Variants in DHX30 observed in about 807,000 individuals in gnomAD.
DHX30 encodes ATP-dependent RNA helicase DHX30.
DHX30 carries 4 observed loss-of-function variants against 116.9 expected under a neutral mutation model. The observed-to-expected ratio is 0.03, with a 90% CI of 0.02 to 0.08. The LOEUF (loss-of-function observed/expected upper bound fraction) is 0.08. Ranked by LOEUF, DHX30 falls within the 10% of genes least tolerant of loss-of-function variation. DHX30 has a pLI of 1.00. For synonymous variants in DHX30, 697 were observed against 651.7 expected (o/e 1.07, Z -1.06); for missense variants, 871 against 1,595.1 (o/e 0.55, Z 7.73).
At chr3:47,808,218 G>T (rs1202130402) in intron 2 of DHX30, among the ~76,000 whole-genome samples, 4 of 139,628 alleles carry the variant, frequency 2.9e-5, no homozygotes, top group African/African-American at 7.8e-5. Flanking sequence ...CTTACTTTTT[G>T]TTTTTTTTTT....
In DHX30 at chr3:47,846,746, G is replaced by A. The variant is rs1392720929; in HGVS notation, c.1674G>A (p.Val558=). The change falls in exon 11 of 22, where the codon GTG becomes GTA. Residue 558 remains valine (V), a synonymous_variant. Transcript: ENST00000445061. ...PSLEGVSHVI[V]DEVHERDVNT... The stretch of plus-strand genomic sequence containing the variant: ...TGGAGGGCGTGAGCCACGTCATCGT[G>A]GATGAGGTGCATGAGCGGGACGTGA... 3 of 1,614,026 alleles carry A rather than the reference G, an allele frequency of 1.9e-6. No individual in the cohort carries two copies. In the South Asian group the frequency reaches 3.3e-5, roughly 18 times the overall value.
chr3:47,848,076 G>A lies in DHX30; in HGVS notation c.2287-104G>A, dbSNP rs933121156. 5.7e-6 allele frequency: 9 copies of A among 1,580,826 alleles called. No homozygotes were observed. Among genetic ancestry groups the A allele is most frequent in the Non-Finnish European group, 1.7e-6 (2 of 1,156,312 alleles). The stretch of plus-strand genomic sequence containing the variant: ...TGTCTTCAGAAGGCCGCGCTTGTGG[G>A]GTCTCAGTGTTCCTGATGTAGGGGG... On this transcript the variant is annotated intron_variant, in intron 14 of 21. Transcript: ENST00000445061. This position sits in a 1 kb window ranked among gnomAD's most constrained non-coding sequence, Gnocchi z 9.4.
At chr3:47,843,463 C>T (rs319694) in intron 9 of DHX30, among the ~76,000 whole-genome samples, 93,148 of 152,114 alleles carry the variant, frequency 0.61, 29,899 homozygotes, top group East Asian at 0.72. Context: ...ATACTTTGCC[C>T]GTGACCCAGC....
intron 4 of DHX30, among the ~76,000 whole-genome samples, chr3:47,823,445 C>T (rs1199053662): frequency 6.7e-6 from 1 of 150,296 alleles, no homozygotes; most frequent in Non-Finnish European, 1.5e-5. Flanking sequence ...CTCACTGCAA[C>T]CTCCGCCTCC....
intron 7 of DHX30, 70 bp downstream of exon 7, chr3:47,841,248 T>G: frequency 1.3e-6 from 2 of 1,563,218 alleles, no homozygotes; most frequent in Non-Finnish European, 1.7e-6. Context: ...GAATGTTCTC[T>G]GCTAGCTTTC....
At chr3:47,825,237 C>T (rs577763822) in intron 4 of DHX30, 1 of 622,984 alleles carries the variant, frequency 1.6e-6, no homozygotes, top group African/African-American at 1.9e-5. Flanking sequence ...GCGACGGAAG[C>T]TTGGTGAACG....
At chr3:47,843,294 G>A (rs1343777590) in intron 9 of DHX30, 39 bp downstream of exon 9, 9 of 1,607,882 alleles carry the variant, frequency 5.6e-6, no homozygotes, top group Non-Finnish European at 6.8e-6. Flanking sequence ...GCATGAGAAT[G>A]TCTTGAAGCT....
chr3:47,803,372 C>T (rs922092609), intron 1 of DHX30, among the ~76,000 whole-genome samples, 160 bp downstream of exon 1: 1 of 152,048 alleles, frequency 6.6e-6, no homozygotes, highest in East Asian at 1.9e-4. Context: ...GCATCCTAGG[C>T]CTGCCCGGGA....
In DHX30 at chr3:47,846,866, C is replaced by T; in HGVS notation, c.1794C>T (p.Arg598=). 6.2e-7 allele frequency: 1 copy of T among 1,612,710 alleles called. No individual in the cohort carries two copies. Among genetic ancestry groups the T allele is most frequent in the South Asian group, 1.1e-5 (1 of 91,016 alleles). The part of the protein sequence containing the change: ...VLMSATGDNE[R]FSRYFGGCPV... ...TGAGTGCCACAGGGGACAATGAGCG[C>T]TTCTCCCGATACTTTGGTGGCTGCC... Residue 598 remains arginine, a synonymous_variant, in exon 11 of 22, where the codon CGC becomes CGT. Coordinates refer to ENST00000445061, the MANE Select transcript of DHX30 (RefSeq NM_138615.3).
At chr3:47,803,392 G>T (rs1302043924) in intron 1 of DHX30, among the ~76,000 whole-genome samples, 180 bp downstream of exon 1, 1 of 152,024 alleles carries the variant, frequency 6.6e-6, no homozygotes, top group Non-Finnish European at 1.5e-5. Flanking sequence ...AAGCCGGCCC[G>T]GCCGATCCGT....
chr3:47,819,151 GA>G, intron 4 of DHX30: 1 of 1,236,920 alleles, frequency 8.1e-7, no homozygotes, highest in South Asian at 1.2e-5. Context: ...AGGTTTTAAA[GA>G]AATGCCACCC....
In DHX30 at chr3:47,848,621, C is replaced by T. The variant is rs2037728140; in HGVS notation, c.2576-3C>T. On this transcript the variant is annotated splice_polypyrimidine_tract_variant and splice_region_variant and intron_variant, in intron 16 of 21. Transcript: ENST00000445061. The surrounding 1 kb of genome is among the most constrained non-coding windows in gnomAD (Gnocchi z 9.4). ...GGTGGTACTGACAGCTGAGCCGTTG[C>T]AGGGGTGCTGGACCAGCGGGAGTAC... The T allele has an allele frequency of 1.2e-6, 2 of 1,613,892 alleles. No individual in the cohort carries two copies. The highest frequency in any genetic ancestry group is 1.6e-4 in the Middle Eastern group (1 of 6,084).
At chr3:47,819,083 C>T in intron 4 of DHX30, 1 of 547,660 alleles carries the variant, frequency 1.8e-6, no homozygotes, top group Non-Finnish European at 3.1e-6. Flanking sequence ...CTGCTGCGGC[C>T]CTGACTACTG....
At chr3:47,837,361 A>C (rs1298383044) in intron 6 of DHX30, among the ~76,000 whole-genome samples, 2 of 152,228 alleles carry the variant, frequency 1.3e-5, no homozygotes, top group Non-Finnish European at 2.9e-5. Context: ...AGAATGACAC[A>C]GCCAAGTTTG....
At chr3:47,844,502 G>A (rs1559718038) in intron 9 of DHX30, among the ~76,000 whole-genome samples, 2 of 152,214 alleles carry the variant, frequency 1.3e-5, no homozygotes, top group South Asian at 4.1e-4. Context: ...CTGGGGAGAG[G>A]GCAGAAGCCT....
chr3:47,812,527 C>T lies in DHX30; in HGVS notation c.28+1816C>T, dbSNP rs984357739. On this transcript the variant is annotated intron_variant, in intron 3 of 21. Transcript: ENST00000445061. Reference sequence around the variant, plus strand: ...GAGTCAAGATTGTGCCACTGCACTCCAGCCTGGGCGACAGGGCAAGAATCC... The same window carrying T: ...GAGTCAAGATTGTGCCACTGCACTCTAGCCTGGGCGACAGGGCAAGAATCC... 4.7e-5 allele frequency among the ~76,000 whole-genome samples: 7 copies of T among 148,036 alleles called. No homozygotes were observed. In the East Asian group the frequency reaches 1.4e-3, roughly 29 times the overall value.
At position 47,838,349 on chromosome 3, in the gene DHX30, T is replaced by C. The variant is rs761288042; in HGVS notation, c.367-2528T>C. Among the ~76,000 whole-genome samples, 25 of 152,300 alleles carry C rather than the reference T, an allele frequency of 1.6e-4. No homozygotes were observed. In the Middle Eastern group the frequency reaches 0.017, roughly 104 times the overall value. Reference sequence around the variant, plus strand: ...GAATTGTGTTCAATTTATGGATTAATTTAAGAGGTTTTTGTCTCCTCACAC... The same window carrying C: ...GAATTGTGTTCAATTTATGGATTAACTTAAGAGGTTTTTGTCTCCTCACAC... On this transcript the variant is annotated intron_variant, in intron 6 of 21. Coordinates refer to ENST00000445061, the MANE Select transcript of DHX30 (RefSeq NM_138615.3).
chr3:47,806,324 A>T (rs1198876731), intron 2 of DHX30, among the ~76,000 whole-genome samples: 4 of 142,632 alleles, frequency 2.8e-5, no homozygotes, highest in African/African-American at 1.0e-4. Context: ...TTGTATTTTT[A>T]GTAGAGATGG....
rs1479194401 is a variant in DHX30 at position 47,848,610 on chromosome 3, C to T, written c.2576-14C>T. On this transcript the variant is annotated splice_polypyrimidine_tract_variant and intron_variant, in intron 16 of 21. Transcript: ENST00000445061. This position sits in a 1 kb window ranked among gnomAD's most constrained non-coding sequence, Gnocchi z 9.4. Reference sequence around the variant, plus strand: ...TGGCTCTCGAGGGTGGTACTGACAGCTGAGCCGTTGCAGGGGTGCTGGACC... The same window carrying T: ...TGGCTCTCGAGGGTGGTACTGACAGTTGAGCCGTTGCAGGGGTGCTGGACC... 3.1e-6 allele frequency: 5 copies of T among 1,614,038 alleles called. No homozygotes were observed. The South Asian group carries it at 4.4e-5, about 14-fold the overall frequency.
Sources: gnomAD v4.1 joint callset for allele counts (sites outside exome capture counted in the v4.1 genomes callset) on GRCh38, gnomAD v4.1.1 for gene constraint, Gnocchi (gnomAD v3.1) non-coding constraint, MANE v1.5 for transcripts, NCBI Gene and HGNC (gene_info 2026-07-23, HGNC 2026-07-21) for gene names.